Variants in ZNF146 observed in about 807,000 individuals in gnomAD.
The protein encoded by ZNF146 is zinc finger protein OZF.
A neutral mutation model predicts 22.2 loss-of-function variants in ZNF146; 9 were observed. The ratio of observed to expected loss-of-function variants is 0.41; its 90% CI spans 0.24 to 0.71. The LOEUF is 0.71. Ranked by LOEUF, ZNF146 falls within the 30% of genes least tolerant of loss-of-function variation. The pLI is 0.34. For synonymous variants in ZNF146, 108 were observed against 119.2 expected, an observed-to-expected ratio of 0.91 and a Z score of 0.61; for missense variants, 194 against 344.8, an observed-to-expected ratio of 0.56 and a Z score of 3.46.
chr19:36,226,374 C>CT (rs1315973252), intron 2 of ZNF146, among the ~76,000 whole-genome samples: 1 of 152,184 alleles, frequency 6.6e-6, no homozygotes, highest in African/African-American at 2.4e-5. Context: ...GGTGATCAAG[C>CT]TTTTTCAACA....
intron 2 of ZNF146, among the ~76,000 whole-genome samples, chr19:36,223,071 A>G (rs1442729259): frequency 6.6e-6 from 1 of 151,936 alleles, no homozygotes; most frequent in Non-Finnish European, 1.5e-5. Context: ...ACTCCCAAGT[A>G]GCGGGGACTA....
At chr19:36,228,247 T>A (rs1192806233) in intron 2 of ZNF146, among the ~76,000 whole-genome samples, 1 of 132,222 alleles carries the variant, frequency 7.6e-6, no homozygotes, top group Non-Finnish European at 1.6e-5. Context: ...TGAGTTTTTA[T>A]TCTTGAGTAC....
At position 36,236,489 on chromosome 19, in the gene ZNF146, G is replaced by C. The variant is rs762960670; in HGVS notation, c.49G>C (p.Ala17Pro). 6.8e-6 allele frequency: 11 copies of C among 1,613,846 alleles called. No homozygotes were observed. Among genetic ancestry groups the C allele is most frequent in the Non-Finnish European group, 7.6e-6 (9 of 1,179,900 alleles). Residue 17 changes from alanine to proline, a missense_variant, in exon 4 of 4, where the codon GCC (alanine) becomes CCC (proline). Ala to Pro is a conservative substitution (Grantham distance 27). Around this residue, in one of 2 missense-constraint regions of ZNF146, gnomAD observed 47 missense variants for 44.7 expected, o/e 1.05. Transcript: ENST00000443387. The stretch of plus-strand genomic sequence containing the variant: ...AATTTACAGTGGGGAAAACCCCTTT[G>C]CCTGTAAGGTATGTGGAAAAGTCTT... ...QRIYSGENPF[A>P]CKVCGKVFSH... is the part of the protein sequence containing the mutation.
At chr19:36,233,954 G>A (rs10403738) in intron 3 of ZNF146, among the ~76,000 whole-genome samples, 39,381 of 151,964 alleles carry the variant, frequency 0.26, 5,512 homozygotes, top group African/African-American at 0.37. Flanking sequence ...TTCCCTTCCC[G>A]CGGGGCCATA....
chr19:36,217,099 C>T (rs960109343), intron 1 of ZNF146, among the ~76,000 whole-genome samples: 1 of 118,310 alleles, frequency 8.5e-6, no homozygotes, highest in African/African-American at 3.3e-5. Context: ...GTCTCTCTCT[C>T]TTGCCCAGTC....
Position 36,234,660 on chromosome 19 carries a change from G to A in ZNF146, c.-782-999G>A, listed in dbSNP as rs535121160. ...GATCCGCCCACCTCGGCCTCCCAAC[G>A]TGCTGGGATTACAGGCGTGAGCCAC... On this transcript the variant is annotated intron_variant, in intron 3 of 3. Coordinates refer to ENST00000443387, the MANE Select transcript of ZNF146 (RefSeq NM_007145.3). Among the ~76,000 whole-genome samples the A allele has an allele frequency of 5.1e-3, 778 of 152,240 alleles. 11 individuals carry two copies. The highest frequency in any genetic ancestry group is 0.017 in the African/African-American group (696 of 41,546).
At chr19:36,223,690 A>AAAAC (rs10692214) in intron 2 of ZNF146, among the ~76,000 whole-genome samples, 1 of 152,086 alleles carries the variant, frequency 6.6e-6, no homozygotes, top group African/African-American at 2.4e-5. Context: ...TGGTTATCAG[A>AAAAC]CTTTTCCACT....
chr19:36,230,686 G>A (rs1032807066), intron 3 of ZNF146, among the ~76,000 whole-genome samples: 8 of 152,320 alleles, frequency 5.3e-5, no homozygotes, highest in Middle Eastern at 6.8e-3. Flanking sequence ...TGGGCTGGAA[G>A]AGAGAGGGCA....
At chr19:36,228,944 C>T (rs1347227366) in intron 3 of ZNF146, 125 bp downstream of exon 3, 1 of 152,140 alleles carries the variant, frequency 6.6e-6, no homozygotes, top group African/African-American at 2.4e-5. Context: ...TTTTTAGATT[C>T]CTGAATGACG....
At chr19:36,219,930 T>C (rs1355874659) in intron 2 of ZNF146, among the ~76,000 whole-genome samples, 1 of 152,240 alleles carries the variant, frequency 6.6e-6, no homozygotes, top group Non-Finnish European at 1.5e-5. Flanking sequence ...TGTATCTTTT[T>C]TTCCCCCTGG....
chr19:36,222,107 G>T (rs1387979995), intron 2 of ZNF146, among the ~76,000 whole-genome samples: 1 of 151,700 alleles, frequency 6.6e-6, no homozygotes, highest in Non-Finnish European at 1.5e-5. Context: ...TTTACTTTTT[G>T]TAGAGATGAG....
chr19:36,236,736 C>A lies in ZNF146; in HGVS notation c.296C>A (p.Pro99His). ...CAGAAAATTCACACTGGAGAAAAAC[C>A]TTTTGAGTGTAAAGATTGCGGGAAA... is the stretch of plus-strand genomic sequence containing the variant. ...THQKIHTGEK[P>H]FECKDCGKAF... The change falls in exon 4 of 4, where the codon CCT becomes CAT. Residue 99 changes from proline to histidine, a missense_variant. By Grantham distance (77) the Pro-to-His change is moderately conservative. Transcript: ENST00000443387. 6.2e-7 allele frequency: 1 copy of A among 1,614,116 alleles called. No homozygotes were observed.
chr19:36,223,133 T>C (rs1976924234), intron 2 of ZNF146, among the ~76,000 whole-genome samples: 1 of 151,718 alleles, frequency 6.6e-6, no homozygotes, highest in African/African-American at 2.4e-5. Flanking sequence ...TTCAAAACTT[T>C]TGGCTGGGCG....
intron 1 of ZNF146, among the ~76,000 whole-genome samples, chr19:36,215,524 C>T (rs1206458750): frequency 6.6e-6 from 1 of 152,052 alleles, no homozygotes; most frequent in Non-Finnish European, 1.5e-5. Flanking sequence ...ATAATTATAA[C>T]GGTGCCATCT....
intron 2 of ZNF146, among the ~76,000 whole-genome samples, chr19:36,223,398 C>T (rs1041169325): frequency 2.6e-5 from 4 of 151,998 alleles, no homozygotes; most frequent in African/African-American, 9.7e-5. Flanking sequence ...AGTATCTCTC[C>T]GTCCCCCAGG....
chr19:36,231,587 T>G (rs1301914049), intron 3 of ZNF146, among the ~76,000 whole-genome samples: 3 of 152,174 alleles, frequency 2.0e-5, no homozygotes, highest in African/African-American at 7.2e-5. Flanking sequence ...CTTACACAAC[T>G]TTACCTGTTT....
chr19:36,225,257 T>C (rs1250422905), intron 2 of ZNF146, among the ~76,000 whole-genome samples: 2 of 152,208 alleles, frequency 1.3e-5, no homozygotes, highest in Non-Finnish European at 1.5e-5. Flanking sequence ...AATCTGTTGA[T>C]TGAGGAAACA....
intron 2 of ZNF146, among the ~76,000 whole-genome samples, chr19:36,225,831 G>A (rs1977044273): frequency 6.8e-6 from 1 of 147,096 alleles, no homozygotes; most frequent in East Asian, 2.0e-4. Context: ...CATGATCACG[G>A]CTCACTGCAA....
chr19:36,221,072 C>T (rs993586055), intron 2 of ZNF146, among the ~76,000 whole-genome samples: 3 of 151,748 alleles, frequency 2.0e-5, no homozygotes, highest in African/African-American at 4.8e-5. Flanking sequence ...AGGCTGGTCT[C>T]GAACTCCTGA....
Sources: allele counts gnomAD v4.1 joint callset (sites outside exome capture counted in the v4.1 genomes callset), GRCh38; gene constraint gnomAD v4.1.1; regional missense constraint gnomAD v4.1.1; transcripts MANE v1.5; gene names NCBI Gene and HGNC (gene_info 2026-07-23, HGNC 2026-07-21).